Variants in CYP20A1 observed in about 807,000 individuals in gnomAD.
CYP20A1 encodes the protein cytochrome P450 family 20 subfamily A member 1, also known as cytochrome P450 20A1.
In CYP20A1, 61 loss-of-function variants were observed where a neutral mutation model predicts 61.4. That is an observed-to-expected ratio of 0.99 (90% CI 0.81 to 1.23). CYP20A1 has a LOEUF of 1.23. CYP20A1 is among the 50% of genes most tolerant of loss of function. CYP20A1 has a pLI of 0.00. For synonymous variants in CYP20A1, 193 were observed against 188.2 expected, an observed-to-expected ratio of 1.03 and a Z score of -0.21; for missense variants, 530 against 542.4, an observed-to-expected ratio of 0.98 and a Z score of 0.23.
At position 203,266,602 on chromosome 2, in the gene CYP20A1, A is replaced by T; in HGVS notation, c.521A>T (p.Lys174Met). The T allele has an allele frequency of 6.2e-7, 1 of 1,614,050 alleles. No individual in the cohort carries two copies. The highest frequency in any genetic ancestry group is 8.5e-7 in the Non-Finnish European group (1 of 1,179,934). Reference protein sequence around the residue: ...LSQHMLGFAMKSVTQMVMGST... With the variant: ...LSQHMLGFAMMSVTQMVMGST... The stretch of plus-strand genomic sequence containing the variant: ...CAGCATATGCTTGGTTTTGCTATGA[A>T]GTCTGTTACACAGATGGTAATGGGT... The change falls in exon 5 of 13, where the codon AAG (lysine) becomes ATG (methionine). Residue 174 changes from lysine to methionine, a missense_variant. By Grantham distance (95) the Lys-to-Met change is moderately conservative. Transcript: ENST00000356079.
chr2:203,252,895 T>TC (rs2066747104), intron 4 of CYP20A1, among the ~76,000 whole-genome samples: 1 of 152,046 alleles, frequency 6.6e-6, no homozygotes, highest in Non-Finnish European at 1.5e-5. Context: ...ACTTCCCCAC[T>TC]CCTAGTTCCT....
chr2:203,263,295 T>G (rs1359774290), intron 4 of CYP20A1, among the ~76,000 whole-genome samples: 1 of 147,636 alleles, frequency 6.8e-6, no homozygotes, highest in South Asian at 2.1e-4. Context: ...GGCTTTTTTT[T>G]TTTTTTTAAA....
At position 203,266,686 on chromosome 2, in the gene CYP20A1, G is replaced by A; in HGVS notation, c.600+5G>A. ...TTCCAGAAGAATCATGGCACAGTAAGTCTGGGGCTAAATTTAAAATTACTC... is the reference window on the plus strand; with the variant it reads ...TTCCAGAAGAATCATGGCACAGTAAATCTGGGGCTAAATTTAAAATTACTC... On this transcript the variant is annotated splice_donor_5th_base_variant and intron_variant, in intron 5 of 12. Coordinates refer to ENST00000356079, the MANE Select transcript of CYP20A1 (RefSeq NM_177538.3). The A allele has an allele frequency of 2.5e-6, 4 of 1,612,014 alleles. No homozygotes were observed. Among genetic ancestry groups the A allele is most frequent in the Non-Finnish European group, 3.4e-6 (4 of 1,178,210 alleles).
At chr2:203,288,904 C>T (rs1264022524) in intron 9 of CYP20A1, among the ~76,000 whole-genome samples, 5 of 151,966 alleles carry the variant, frequency 3.3e-5, no homozygotes, top group African/African-American at 9.7e-5. Context: ...TGTAAGGATT[C>T]GATAAGATCC....
At chr2:203,256,593 A>G (rs541680460) in intron 4 of CYP20A1, among the ~76,000 whole-genome samples, 3 of 152,230 alleles carry the variant, frequency 2.0e-5, no homozygotes, top group South Asian at 4.1e-4. Flanking sequence ...TCCTAGCCTC[A>G]GGTGATCCGC....
At position 203,301,041 on chromosome 2, in the gene CYP20A1, A is replaced by G. The variant is rs930489852; in HGVS notation, c.*4133A>G. 6.6e-6 allele frequency among the ~76,000 whole-genome samples: 1 copy of G among 151,938 alleles called. No individual in the cohort carries two copies. Among genetic ancestry groups the G allele is most frequent in the Non-Finnish European group, 1.5e-5 (1 of 67,976 alleles). Reference sequence around the variant, plus strand: ...GAGAAACTTCATCTCTACTAAAAATACAAAATTAGCCGGGCGTGGTGGCAC... The same window carrying G: ...GAGAAACTTCATCTCTACTAAAAATGCAAAATTAGCCGGGCGTGGTGGCAC... On this transcript the variant is annotated 3_prime_UTR_variant, in exon 13 of 13. Transcript: ENST00000356079.
At chr2:203,288,223 A>C (rs1017504461) in intron 9 of CYP20A1, among the ~76,000 whole-genome samples, 1 of 145,296 alleles carries the variant, frequency 6.9e-6, no homozygotes, top group East Asian at 2.0e-4. Flanking sequence ...GCACCACCAC[A>C]CCTAGCTATT....
chr2:203,268,756 T>C (rs2067438114), intron 5 of CYP20A1, among the ~76,000 whole-genome samples: 1 of 152,146 alleles, frequency 6.6e-6, no homozygotes, highest in Non-Finnish European at 1.5e-5. Flanking sequence ...TTTTAGTGTA[T>C]CCATCACCCA....
At chr2:203,286,844 A>G (rs891961597) in intron 9 of CYP20A1, among the ~76,000 whole-genome samples, 58 of 152,172 alleles carry the variant, frequency 3.8e-4, no homozygotes, top group African/African-American at 1.4e-3. Context: ...TTTTAATTGC[A>G]ACTGTGATTG....
At chr2:203,248,424 C>T (rs1257634355) in intron 3 of CYP20A1, among the ~76,000 whole-genome samples, 1 of 151,964 alleles carries the variant, frequency 6.6e-6, no homozygotes, top group Non-Finnish European at 1.5e-5. Flanking sequence ...ATCCCAGCTA[C>T]TTGGGAGACT....
chr2:203,255,443 A>C (rs2066858865), intron 4 of CYP20A1, among the ~76,000 whole-genome samples: 1 of 152,214 alleles, frequency 6.6e-6, no homozygotes, highest in African/African-American at 2.4e-5. Flanking sequence ...TCCAGTATTT[A>C]TAATCGGAAC....
chr2:203,245,883 C>T lies in CYP20A1; in HGVS notation c.110C>T (p.Pro37Leu), dbSNP rs1178081381. Residue 37 changes from proline to leucine, a missense_variant, in exon 2 of 13, where the codon CCA (proline) becomes CTA (leucine). Pro to Leu is a moderately conservative substitution (Grantham distance 98, BLOSUM62 -3). Transcript: ENST00000356079. Reference protein sequence around the residue: ...RQAAGIPGITPTEEKDGNLPD... With the variant: ...RQAAGIPGITLTEEKDGNLPD... ...GCTGCAGGAATTCCAGGGATTACTC[C>T]AACTGAAGAAAAGTGAGTAATTATT... The T allele has an allele frequency of 6.3e-7, 1 of 1,597,130 alleles. No individual in the cohort carries two copies. The highest frequency in any genetic ancestry group is 1.7e-5 in the Admixed American group (1 of 59,012).
At chr2:203,257,299 G>A (rs2066928244) in intron 4 of CYP20A1, among the ~76,000 whole-genome samples, 1 of 149,088 alleles carries the variant, frequency 6.7e-6, no homozygotes, top group South Asian at 2.1e-4. Context: ...TAGCCTAGGC[G>A]ACTGTGAGAC....
chr2:203,304,195 G>A lies in CYP20A1; in HGVS notation c.*7287G>A, dbSNP rs1224444200. On this transcript the variant is annotated 3_prime_UTR_variant, in exon 13 of 13. Transcript: ENST00000356079. Reference sequence around the variant, plus strand: ...CCACTGTACTCCAGCCTAGGTGACAGAGTGAGACTCCATAGGTCTCAGCCA... The same window carrying A: ...CCACTGTACTCCAGCCTAGGTGACAAAGTGAGACTCCATAGGTCTCAGCCA... Among the ~76,000 whole-genome samples the A allele has an allele frequency of 6.6e-6, 1 of 152,050 alleles. No individual in the cohort carries two copies. Among genetic ancestry groups the A allele is most frequent in the Non-Finnish European group, 1.5e-5 (1 of 67,976 alleles).
rs763764173 is a variant in CYP20A1 at position 203,301,914 on chromosome 2, C to CTTTTTTTTTTTTTTT, written c.*5014_*5028dup. 4.8e-5 allele frequency among the ~76,000 whole-genome samples: 5 copies of CTTTTTTTTTTTTTTT among 103,550 alleles called. No homozygotes were observed. The highest frequency in any genetic ancestry group is 1.3e-4 in the Admixed American group (1 of 7,918). The allele number at this position is 103,550 out of a possible 152,430, so 67.9% of individuals were successfully genotyped here. On this transcript the variant is annotated 3_prime_UTR_variant, in exon 13 of 13. Transcript: ENST00000356079. ...TTTGAAGTTAACCACTGTTAAGATT[C>CTTTTTTTTTTTTTTT]TTTTTTTTTTTTTTTTTTTTTTGTT...
chr2:203,277,838 T>C (rs996107408), intron 6 of CYP20A1, among the ~76,000 whole-genome samples: 2 of 152,152 alleles, frequency 1.3e-5, no homozygotes, highest in African/African-American at 4.8e-5. Context: ...AGAAATTTGC[T>C]TTTCTGATTA....
In CYP20A1 at chr2:203,303,728, TAACTG is replaced by T. The variant is rs1448823378; in HGVS notation, c.*6821_*6825del. ...AAAAGAAAAAAAGAAAAAGAAAACT[TAACTG>T]GCCTTTGGGGCACATGCCTGTAATC... On this transcript the variant is annotated 3_prime_UTR_variant, in exon 13 of 13. Transcript: ENST00000356079. 6.6e-6 allele frequency among the ~76,000 whole-genome samples: 1 copy of T among 151,084 alleles called. No homozygotes were observed. Among genetic ancestry groups the T allele is most frequent in the Admixed American group, 6.6e-5 (1 of 15,128 alleles).
At chr2:203,246,011 G>A in intron 2 of CYP20A1, 116 bp downstream of exon 2, 6 of 681,638 alleles carry the variant, frequency 8.8e-6, no homozygotes, top group Non-Finnish European at 1.5e-5. Context: ...GGAGGTTGAG[G>A]TGGAAGATCG....
intron 5 of CYP20A1, among the ~76,000 whole-genome samples, chr2:203,270,522 C>T (rs1438980319): frequency 6.6e-6 from 1 of 151,720 alleles, no homozygotes; most frequent in Non-Finnish European, 1.5e-5. Context: ...TCTAGAACAG[C>T]TCTTTATTTC....
Sources: allele counts gnomAD v4.1 joint callset (sites outside exome capture counted in the v4.1 genomes callset), GRCh38; gene constraint gnomAD v4.1.1; transcripts MANE v1.5; gene names NCBI Gene and HGNC (gene_info 2026-07-23, HGNC 2026-07-21).